SF3A3: variants seen among roughly 807,000 people sequenced by gnomAD.
SF3A3 encodes SAP 61.
SF3A3 carries 9 observed loss-of-function variants against 85.8 expected under a neutral mutation model. The observed-to-expected ratio is 0.10, with a 90% CI of 0.06 to 0.18. The LOEUF (loss-of-function observed/expected upper bound fraction) is 0.18, where lower values mean the gene tolerates loss of function less well. SF3A3 is among the 10% of genes least tolerant of loss of function. SF3A3 has a pLI of 1.00. For synonymous variants in SF3A3, 195 were observed against 204.4 expected (o/e 0.95, Z 0.39); for missense variants, 306 against 593.3 (o/e 0.52, Z 5.03).
At chr1:37,974,195 C>T (rs779300689) in intron 12 of SF3A3, among the ~76,000 whole-genome samples, 36 of 151,334 alleles carry the variant, frequency 2.4e-4, no homozygotes, top group African/African-American at 6.1e-4. Context: ...CAAACCTACA[C>T]GTTGTGCACA....
intron 15 of SF3A3, chr1:37,960,456 G>T: frequency 5.0e-6 from 2 of 400,314 alleles, no homozygotes; most frequent in South Asian, 6.9e-5. Flanking sequence ...AGGTTAATGT[G>T]GAACAACCTA....
chr1:37,979,293 G>T lies in SF3A3; in HGVS notation c.759+172C>A, dbSNP rs547231217. The T allele has an allele frequency of 5.1e-5, 32 of 628,990 alleles. No homozygotes were observed. In the East Asian group the frequency reaches 8.5e-4, roughly 17 times the overall value. The allele number at this position is 628,990 out of a possible 1,614,324, so 39.0% of individuals were successfully genotyped here. A position where few individuals can be genotyped will look rare whatever the true frequency, so the allele number is the denominator to read the frequency against. On this transcript the variant is annotated intron_variant, in intron 9 of 16. Transcript: ENST00000373019. ...TAATGTAGTTAGAATAATTATTTCA[G>T]TTTCCCAAGTAGTAATTTTTTTCTT...
At chr1:37,986,109 CG>C (rs1370887376) in intron 4 of SF3A3, among the ~76,000 whole-genome samples, 1 of 151,972 alleles carries the variant, frequency 6.6e-6, no homozygotes, top group Non-Finnish European at 1.5e-5. Flanking sequence ...CCACCATGCC[CG>C]GCTAATTTTT....
At chr1:37,986,592 A>G (rs976252547) in intron 4 of SF3A3, among the ~76,000 whole-genome samples, 1 of 152,062 alleles carries the variant, frequency 6.6e-6, no homozygotes, top group African/African-American at 2.4e-5. Context: ...TGGGCGGATC[A>G]CAAGGTCAGG....
chr1:37,984,800 T>C (rs1646443841), intron 4 of SF3A3, 21 bp from the exon 5 acceptor site: 1 of 1,602,668 alleles, frequency 6.2e-7, no homozygotes, highest in Non-Finnish European at 8.5e-7. Context: ...AAGTAAAAGC[T>C]CAGGTGGATT....
chr1:37,980,984 G>C (rs1646414851), intron 7 of SF3A3, among the ~76,000 whole-genome samples: 1 of 151,354 alleles, frequency 6.6e-6, no homozygotes, highest in Non-Finnish European at 1.5e-5. Flanking sequence ...CGAATAGCTG[G>C]GATTACAGGC....
chr1:37,958,059 A>AAGATGCATGCT lies in SF3A3; in HGVS notation c.*116_*126dup. The AAGATGCATGCT allele has an allele frequency of 1.5e-6, 1 of 667,234 alleles. No individual in the cohort carries two copies. The highest frequency in any genetic ancestry group is 2.7e-6 in the Non-Finnish European group (1 of 367,822). The allele number at this position is 667,234 out of a possible 1,614,324, so 41.3% of individuals were successfully genotyped here. On this transcript the variant is annotated 3_prime_UTR_variant, in exon 17 of 17. Transcript: ENST00000373019. ...ATCTGCCAGCATGCCTTGTTTCTAC[A>AAGATGCATGCT]AGATGCATGCTAGACCATGAGACTA...
chr1:37,960,086 CACT>C, intron 16 of SF3A3, 31 bp downstream of exon 16: 1 of 1,589,640 alleles, frequency 6.3e-7, no homozygotes, highest in Non-Finnish European at 8.6e-7. Context: ...TATCACTTGA[CACT>C]ATCCCTAACA....
At chr1:37,967,802 G>A (rs532167522) in intron 15 of SF3A3, among the ~76,000 whole-genome samples, 1 of 151,634 alleles carries the variant, frequency 6.6e-6, no homozygotes, top group Non-Finnish European at 1.5e-5. Flanking sequence ...AGAGGTTGCA[G>A]TGGGCCAAGA....
At chr1:37,961,921 A>T (rs1280380082) in intron 15 of SF3A3, among the ~76,000 whole-genome samples, 3 of 151,250 alleles carry the variant, frequency 2.0e-5, no homozygotes, top group African/African-American at 7.3e-5. Flanking sequence ...CCCCATCTCT[A>T]CTACAAATAC....
At chr1:37,987,964 C>G in intron 2 of SF3A3, 128 bp from the exon 3 acceptor site, 1 of 768,660 alleles carries the variant, frequency 1.3e-6, no homozygotes, top group East Asian at 2.6e-5. Context: ...ATAGTCTTAA[C>G]AGTTCTGTGC....
At chr1:37,960,367 A>G (rs1368236992) in intron 15 of SF3A3, 192 bp from the exon 16 acceptor site, 6 of 519,974 alleles carry the variant, frequency 1.2e-5, no homozygotes, top group Admixed American at 9.2e-5. Flanking sequence ...AAAATTCATC[A>G]TGATCTTGCT....
intron 6 of SF3A3, among the ~76,000 whole-genome samples, chr1:37,982,439 C>T (rs962768301): frequency 3.3e-5 from 5 of 150,736 alleles, no homozygotes; most frequent in Admixed American, 2.6e-4. Context: ...GGCATGATCT[C>T]GGCTCACCAC....
At chr1:37,976,646 G>C (rs753896723) in intron 12 of SF3A3, among the ~76,000 whole-genome samples, 1 of 152,022 alleles carries the variant, frequency 6.6e-6, no homozygotes, top group Non-Finnish European at 1.5e-5. Context: ...ATATTGTGAG[G>C]GGACTCTATT....
chr1:37,969,685 T>G lies in SF3A3; in HGVS notation c.1056A>C (p.Thr352=). The G allele has an allele frequency of 6.2e-7, 1 of 1,614,186 alleles. No individual in the cohort carries two copies. Residue 352 remains threonine, a synonymous_variant, in exon 13 of 17, where the codon ACA becomes ACC. Transcript: ENST00000373019. ...CTTCCTCTTCTTCTCGCTCTTCTCC[T>G]GTCCTGGCTTGCTTGCGCTGTACAT... The part of the protein sequence containing the change: ...HENVQRKQAR[T]GEEREEEEEE...
intron 14 of SF3A3, among the ~76,000 whole-genome samples, chr1:37,969,124 A>G (rs1646321540): frequency 6.6e-6 from 1 of 152,172 alleles, no homozygotes; most frequent in African/African-American, 2.4e-5. Context: ...AGAAAACCAA[A>G]TAAGGTTCAA....
At chr1:37,963,987 T>C (rs763074117) in intron 15 of SF3A3, among the ~76,000 whole-genome samples, 1 of 150,170 alleles carries the variant, frequency 6.7e-6, no homozygotes, top group Non-Finnish European at 1.5e-5. Flanking sequence ...AAGACCATCT[T>C]GGCCAGCATG....
chr1:37,984,624 T>C (rs995000236), intron 5 of SF3A3, 83 bp downstream of exon 5: 46 of 924,366 alleles, frequency 5.0e-5, no homozygotes, highest in Non-Finnish European at 8.0e-5. Flanking sequence ...GCTATAAATA[T>C]CTCTGAGGCC....
chr1:37,986,801 G>C (rs1398564856), intron 4 of SF3A3, among the ~76,000 whole-genome samples: 3 of 83,858 alleles, frequency 3.6e-5, no homozygotes, highest in Non-Finnish European at 6.1e-5. Flanking sequence ...AACAGAGCGA[G>C]ACTCCATCTC....
Sources: gnomAD v4.1 joint callset for allele counts (sites outside exome capture counted in the v4.1 genomes callset) on GRCh38, gnomAD v4.1.1 for gene constraint, MANE v1.5 for transcripts, NCBI Gene and HGNC (gene_info 2026-07-23, HGNC 2026-07-21) for gene names.